The following DEFB119 variants were observed in gnomAD, a reference collection of about 807,000 sequenced individuals.
The protein encoded by DEFB119 is beta-defensin 119.
Under a neutral mutation model 2.5 loss-of-function variants are expected in DEFB119, and 3 were observed. The observed-to-expected ratio is 1.19, with a 90% CI of 0.54 to 3.07. The LOEUF is 3.07. Ranked by LOEUF, DEFB119 falls within the 30% of genes most tolerant of loss-of-function variation. The pLI is 0.03. For synonymous variants in DEFB119, 29 were observed against 33.7 expected (o/e 0.86, Z 0.48); for missense variants, 113 against 101.1 (o/e 1.12, Z -0.50).
At chr20:31,378,480 G>A in intron 1 of DEFB119, 3 of 1,573,082 alleles carry the variant, frequency 1.9e-6, no homozygotes, top group Admixed American at 1.8e-5. Context: ...CCGCGTTCCA[G>A]CAAAAATTAC....
chr20:31,388,249 G>A (rs1568732327), intron 1 of DEFB119: 1 of 985,248 alleles, frequency 1.0e-6, no homozygotes, highest in African/African-American at 1.7e-5. Context: ...CAGTTGGAAG[G>A]CACACAGTTC....
Position 31,390,424 on chromosome 20 carries a change from T to A in DEFB119, c.60A>T (p.Ser20=), listed in dbSNP as rs1487794941. ...ACCCCCGAGAGAGGTTCACGTTACC[T>A]GATATCACTGGTTCTTCTATGGCCA... ...ILLAIEEPVI[S]GKRHILRCMG... is the part of the protein sequence containing the mutation. Residue 20 remains serine, a splice_region_variant and synonymous_variant, in exon 1 of 2, where the codon TCA becomes TCT. Transcript: ENST00000376321. 6.2e-7 allele frequency: 1 copy of A among 1,611,408 alleles called. No homozygotes were observed. The highest frequency in any genetic ancestry group is 8.5e-7 in the Non-Finnish European group (1 of 1,179,138).
intron 1 of DEFB119, chr20:31,388,827 T>A: frequency 1.0e-6 from 1 of 970,030 alleles, no homozygotes; most frequent in Non-Finnish European, 1.5e-6. Context: ...TGGGGAATCA[T>A]CTTCAAGACT....
At chr20:31,385,721 T>TCCC (rs1419724044) in intron 1 of DEFB119, among the ~76,000 whole-genome samples, 1 of 151,688 alleles carries the variant, frequency 6.6e-6, no homozygotes, top group Non-Finnish European at 1.5e-5. Context: ...AATAGAAAAA[T>TCCC]TAGCCAGGCA....
At position 31,383,912 on chromosome 20, in the gene DEFB119, C is replaced by T. The variant is rs143483890; in HGVS notation, c.62-6473G>A. On this transcript the variant is annotated intron_variant, in intron 1 of 1. Transcript: ENST00000376321. ...ATGGTTTTATAAAGGGCAGTTCTCC[C>T]GCACACACTCTTTTGCCTGCCATCA... Among the ~76,000 whole-genome samples the T allele has an allele frequency of 1.2e-3, 187 of 152,140 alleles. 1 individual carries two copies. The highest frequency in any genetic ancestry group is 3.4e-3 in the Middle Eastern group (1 of 294).
At chr20:31,377,523 A>G (rs1986345996) in intron 1 of DEFB119, 84 bp from the exon 2 acceptor site, 9 of 1,442,868 alleles carry the variant, frequency 6.2e-6, no homozygotes, top group Non-Finnish European at 8.5e-6. Flanking sequence ...ATAAAAACCT[A>G]AAGGGGGAGC....
In DEFB119 at chr20:31,387,086, G is replaced by A. The variant is rs967172246; in HGVS notation, c.61+3337C>T. 3.3e-5 allele frequency among the ~76,000 whole-genome samples: 5 copies of A among 151,994 alleles called. No individual in the cohort carries two copies. In the East Asian group the frequency reaches 7.8e-4, roughly 24 times the overall value. On this transcript the variant is annotated intron_variant, in intron 1 of 1. Transcript: ENST00000376321. Reference sequence around the variant, plus strand: ...CCTCCCAAAGTGCTGGGATTACGGGGGTGAGCCACCGCACCCAGCCTATTG... The same window carrying A: ...CCTCCCAAAGTGCTGGGATTACGGGAGTGAGCCACCGCACCCAGCCTATTG...
intron 1 of DEFB119, among the ~76,000 whole-genome samples, chr20:31,388,793 A>G (rs1029164339): frequency 6.6e-6 from 1 of 152,082 alleles, no homozygotes; most frequent in Non-Finnish European, 1.5e-5. Flanking sequence ...TCCTGACTCA[A>G]TAGCCTCTCC....
intron 1 of DEFB119, among the ~76,000 whole-genome samples, chr20:31,386,236 A>G (rs1178459428): frequency 1.3e-5 from 2 of 152,152 alleles, no homozygotes; most frequent in African/African-American, 2.4e-5. Flanking sequence ...ATTAATGCAG[A>G]GAAAACCTGG....
At chr20:31,378,233 A>G in intron 1 of DEFB119, 4 of 1,485,036 alleles carry the variant, frequency 2.7e-6, no homozygotes, top group South Asian at 1.2e-5. Context: ...ACCACCACAC[A>G]GTAGTAACAG....
rs547885028 is a variant in DEFB119 at position 31,380,546 on chromosome 20, G to A, written c.62-3107C>T. Reference sequence around the variant, plus strand: ...ATCCTGATTCACTGGGATTACAGGTGTGAGCCACCACGCCTGGCGGTTATG... The same window carrying A: ...ATCCTGATTCACTGGGATTACAGGTATGAGCCACCACGCCTGGCGGTTATG... On this transcript the variant is annotated intron_variant, in intron 1 of 1. Coordinates refer to ENST00000376321, the MANE Select transcript of DEFB119 (RefSeq NM_153289.4). Among the ~76,000 whole-genome samples, 6 of 152,258 alleles carry A rather than the reference G, an allele frequency of 3.9e-5. No homozygotes were observed. The East Asian group carries it at 7.7e-4, about 20-fold the overall frequency.
intron 1 of DEFB119, chr20:31,378,419 G>C (rs1483164664): frequency 6.2e-7 from 1 of 1,613,518 alleles, no homozygotes; most frequent in African/African-American, 1.3e-5. Flanking sequence ...AGCCAACAAA[G>C]ATCATTGAAA....
chr20:31,389,051 T>C, intron 1 of DEFB119: 3 of 1,614,224 alleles, frequency 1.9e-6, no homozygotes, highest in Non-Finnish European at 2.5e-6. Context: ...TTTGTCTTCA[T>C]TTTTGGAGCT....
At chr20:31,381,289 T>G (rs1444743942) in intron 1 of DEFB119, among the ~76,000 whole-genome samples, 2 of 152,254 alleles carry the variant, frequency 1.3e-5, no homozygotes, top group African/African-American at 4.8e-5. Flanking sequence ...CTGAACCTAC[T>G]TATTAGTTTT....
chr20:31,383,269 C>T (rs1986565425), intron 1 of DEFB119, among the ~76,000 whole-genome samples: 1 of 152,056 alleles, frequency 6.6e-6, no homozygotes, highest in African/African-American at 2.4e-5. Context: ...TCTGTCCAGG[C>T]GCGGTGGCTC....
chr20:31,389,922 G>A (rs528379577), intron 1 of DEFB119, among the ~76,000 whole-genome samples: 6 of 151,680 alleles, frequency 4.0e-5, no homozygotes, highest in African/African-American at 4.8e-5. Context: ...ATCCAGCACC[G>A]ACTCCCAGCC....
chr20:31,378,232 C>CA (rs1424077747), intron 1 of DEFB119: 4 of 1,475,786 alleles, frequency 2.7e-6, no homozygotes, highest in Non-Finnish European at 3.8e-6. Context: ...CACCACCACA[C>CA]AGTAGTAACA....
intron 1 of DEFB119, among the ~76,000 whole-genome samples, chr20:31,383,751 G>A (rs907543127): frequency 3.9e-5 from 6 of 152,046 alleles, no homozygotes; most frequent in Admixed American, 3.9e-4. Flanking sequence ...GCTGAGACAG[G>A]AGAGTGGCGT....
intron 1 of DEFB119, chr20:31,388,371 T>C (rs1986790122): frequency 1.1e-6 from 1 of 940,396 alleles, no homozygotes. Context: ...TGAAATAGAT[T>C]CTACAATTAC....
Sources: allele counts gnomAD v4.1 joint callset (sites outside exome capture counted in the v4.1 genomes callset), GRCh38; gene constraint gnomAD v4.1.1; transcripts MANE v1.5; gene names NCBI Gene and HGNC (gene_info 2026-07-23, HGNC 2026-07-21).